COMMD10: variants seen among roughly 807,000 people sequenced by gnomAD.
COMMD10 encodes COMM domain-containing protein 10.
COMMD10 carries 33 observed loss-of-function variants against 28.9 expected under a neutral mutation model. The ratio of observed to expected loss-of-function variants is 1.14; its 90% confidence interval spans 0.87 to 1.53. The LOEUF (loss-of-function observed/expected upper bound fraction) is 1.53, where lower values mean the gene tolerates loss of function less well. Ranked by LOEUF, COMMD10 falls within the 40% of genes most tolerant of loss-of-function variation. COMMD10 has a pLI of 0.00. For synonymous variants in COMMD10, 110 were observed against 81.7 expected, an observed-to-expected ratio of 1.35 and a Z score of -1.87; for missense variants, 310 against 233.4, an observed-to-expected ratio of 1.33 and a Z score of -2.14.
chr5:116,105,924 G>A (rs548071598), intron 4 of COMMD10, among the ~76,000 whole-genome samples: 1 of 140,750 alleles, frequency 7.1e-6, no homozygotes, highest in African/African-American at 2.9e-5. Context: ...TGGATTCATT[G>A]ATTTTTTTGA....
At chr5:116,152,340 T>C (rs6594953) in intron 5 of COMMD10, among the ~76,000 whole-genome samples, 124,652 of 151,900 alleles carry the variant, frequency 0.82, 51,306 homozygotes, top group African/African-American at 0.84. Flanking sequence ...ACTTGAACTC[T>C]CTCCCTGTGG....
intron 5 of COMMD10, among the ~76,000 whole-genome samples, chr5:116,150,938 TG>T (rs1752504101): frequency 6.6e-6 from 1 of 151,896 alleles, no homozygotes; most frequent in South Asian, 2.1e-4. Flanking sequence ...CTTGTGCTAG[TG>T]TTCAAAGTGA....
chr5:116,134,923 CA>C (rs1751982609), intron 5 of COMMD10, among the ~76,000 whole-genome samples: 1 of 148,624 alleles, frequency 6.7e-6, no homozygotes, highest in Non-Finnish European at 1.5e-5. Flanking sequence ...GCCCGGCCTA[CA>C]ATTTTTTTTA....
intron 5 of COMMD10, among the ~76,000 whole-genome samples, chr5:116,233,871 A>G (rs1179741620): frequency 6.6e-6 from 1 of 152,184 alleles, no homozygotes; most frequent in Non-Finnish European, 1.5e-5. Context: ...TCGTTTTCAG[A>G]TGGGAAGCTA....
intron 5 of COMMD10, among the ~76,000 whole-genome samples, chr5:116,217,574 G>C (rs886094416): frequency 6.6e-6 from 1 of 152,168 alleles, no homozygotes; most frequent in African/African-American, 2.4e-5. Context: ...GTGGCATCCC[G>C]GAAAAGTCCA....
chr5:116,156,336 G>A (rs1406008357), intron 5 of COMMD10, among the ~76,000 whole-genome samples: 1 of 152,088 alleles, frequency 6.6e-6, no homozygotes, highest in Non-Finnish European at 1.5e-5. Flanking sequence ...CTCAAATTCT[G>A]ATCTGAAAAT....
chr5:116,193,965 ACT>A (rs1034932133), intron 5 of COMMD10, among the ~76,000 whole-genome samples: 3 of 152,084 alleles, frequency 2.0e-5, no homozygotes, highest in Admixed American at 2.0e-4. Context: ...ATATCAAGCC[ACT>A]CTCTCAGACC....
intron 4 of COMMD10, among the ~76,000 whole-genome samples, chr5:116,126,402 T>C (rs1751640353): frequency 7.4e-6 from 1 of 136,042 alleles, no homozygotes; most frequent in Non-Finnish European, 1.5e-5. Context: ...AATGACTTTC[T>C]TCACAGAATT....
At chr5:116,258,791 A>G (rs1309671833) in intron 5 of COMMD10, among the ~76,000 whole-genome samples, 1 of 151,562 alleles carries the variant, frequency 6.6e-6, no homozygotes, top group East Asian at 1.9e-4. Flanking sequence ...ATGCCATATT[A>G]TTAATGCTTT....
chr5:116,205,144 C>T (rs1423783199), intron 5 of COMMD10, among the ~76,000 whole-genome samples: 1 of 151,990 alleles, frequency 6.6e-6, no homozygotes, highest in African/African-American at 2.4e-5. Flanking sequence ...ACTCTTAAAG[C>T]AATAATAAAT....
intron 5 of COMMD10, among the ~76,000 whole-genome samples, chr5:116,232,695 T>TC (rs1561678596): frequency 6.6e-6 from 1 of 152,086 alleles, no homozygotes; most frequent in African/African-American, 2.4e-5. Context: ...AGAGCAAGAC[T>TC]CCGTCTCAAA....
At chr5:116,290,990 C>G (rs564699447) in intron 5 of COMMD10, among the ~76,000 whole-genome samples, 1 of 152,090 alleles carries the variant, frequency 6.6e-6, no homozygotes, top group Non-Finnish European at 1.5e-5. Context: ...GACTTTGAAA[C>G]TGTTGTGTTA....
intron 5 of COMMD10, among the ~76,000 whole-genome samples, chr5:116,277,577 GT>G (rs1750953643): frequency 6.6e-6 from 1 of 151,932 alleles, no homozygotes; most frequent in South Asian, 2.1e-4. Flanking sequence ...TTATGCTGCA[GT>G]TTACAATGGA....
intron 5 of COMMD10, chr5:116,217,994 A>C: frequency 1.1e-6 from 1 of 940,086 alleles, no homozygotes. Context: ...AGTCACCAGA[A>C]GTACACAGTT....
chr5:116,188,753 C>T (rs749877947), intron 5 of COMMD10, among the ~76,000 whole-genome samples: 5 of 151,294 alleles, frequency 3.3e-5, no homozygotes, highest in African/African-American at 1.2e-4. Flanking sequence ...CTCAGCCTCC[C>T]AAGTAGCTGA....
intron 5 of COMMD10, among the ~76,000 whole-genome samples, chr5:116,160,658 A>G (rs560846069): frequency 6.6e-6 from 1 of 152,232 alleles, no homozygotes; most frequent in African/African-American, 2.4e-5. Context: ...AAAATGAACA[A>G]TCTGCTGATA....
At chr5:116,104,939 A>G (rs1020800478) in intron 4 of COMMD10, among the ~76,000 whole-genome samples, 1 of 152,120 alleles carries the variant, frequency 6.6e-6, no homozygotes, top group Non-Finnish European at 1.5e-5. Context: ...CTAATTGAAT[A>G]TCCTTTCTTT....
intron 5 of COMMD10, among the ~76,000 whole-genome samples, chr5:116,237,174 G>C (rs1183523569): frequency 1.3e-5 from 2 of 152,044 alleles, no homozygotes; most frequent in African/African-American, 4.8e-5. Flanking sequence ...TGATATGTTT[G>C]ATGAACAGCA....
intron 5 of COMMD10, among the ~76,000 whole-genome samples, chr5:116,241,616 T>TTATTTATG (rs1749815076): frequency 1.3e-5 from 2 of 150,702 alleles, no homozygotes; most frequent in South Asian, 2.1e-4. Context: ...ATTTATTTAT[T>TTATTTATG]TATTTATTTA....
Sources: gnomAD v4.1 joint callset for allele counts (sites outside exome capture counted in the v4.1 genomes callset) on GRCh38, gnomAD v4.1.1 for gene constraint, MANE v1.5 for transcripts, NCBI Gene and HGNC (gene_info 2026-07-23, HGNC 2026-07-21) for gene names.